Variants in TG observed in about 807,000 individuals in gnomAD.
TG encodes the protein thyroglobulin.
A neutral mutation model predicts 324.7 loss-of-function variants in TG; 270 were observed. The observed-to-expected ratio is 0.83, with a 90% confidence interval of 0.75 to 0.92. The LOEUF is 0.92. TG is among the 40% of genes least tolerant of loss of function. The pLI, the probability that TG is intolerant of heterozygous loss-of-function variation, is 0.00. For missense variants in TG, 3,591 were observed against 3,456.4 expected, an observed-to-expected ratio of 1.04 and a Z score of -0.98; for synonymous variants, 1,401 against 1,327.0, an observed-to-expected ratio of 1.06 and a Z score of -1.21.
chr8:132,974,296 A>T (rs1357049241), intron 34 of TG, among the ~76,000 whole-genome samples: 3 of 152,160 alleles, frequency 2.0e-5, no homozygotes, highest in Non-Finnish European at 4.4e-5. Context: ...ACCCAGCCAC[A>T]TTCTTTATTT....
chr8:132,919,352 C>T, intron 20 of TG, 24 bp from the exon 21 acceptor site: 2 of 1,611,640 alleles, frequency 1.2e-6, no homozygotes, highest in East Asian at 2.2e-5. Context: ...TGATTTTTAA[C>T]ATCATTTCTC....
intron 8 of TG, among the ~76,000 whole-genome samples, chr8:132,885,200 C>G (rs1011244582): frequency 2.0e-5 from 3 of 151,788 alleles, no homozygotes; most frequent in Non-Finnish European, 4.4e-5. Context: ...TACTTTACAT[C>G]CACCTATGTA....
At chr8:132,903,712 GCTGA>G (rs1347885765) in intron 16 of TG, among the ~76,000 whole-genome samples, 1 of 152,160 alleles carries the variant, frequency 6.6e-6, no homozygotes, top group Non-Finnish European at 1.5e-5. Context: ...ACCTCTTTCT[GCTGA>G]CTCACTGCAG....
rs549286273 is a variant in TG, at chr8:133,082,623, G to A, written c.7240-12421G>A. ...TTGCGGCTAGCTTCCCCACGTCACC[G>A]GAGTCAGGCCTCTTAAACACTCTGC... On this transcript the variant is annotated intron_variant, in intron 41 of 47. Coordinates refer to ENST00000220616, the MANE Select transcript of TG (RefSeq NM_003235.5). 1.6e-4 allele frequency among the ~76,000 whole-genome samples: 24 copies of A among 152,234 alleles called. 1 individual carries two copies. The highest frequency in any genetic ancestry group is 1.5e-3 in the South Asian group (7 of 4,816).
chr8:132,879,791 T>C (rs1430572058), intron 5 of TG, among the ~76,000 whole-genome samples: 1 of 152,072 alleles, frequency 6.6e-6, no homozygotes, highest in Non-Finnish European at 1.5e-5. Context: ...CACTGGTAGG[T>C]CCAGGTACTG....
rs374507803 is a variant in TG at position 132,995,030 on chromosome 8, T to G, written c.6262+11618T>G. On this transcript the variant is annotated intron_variant, in intron 35 of 47. Coordinates refer to ENST00000220616, the MANE Select transcript of TG (RefSeq NM_003235.5). ...CTCAGTTATGCTGTAGCGTGTGATT[T>G]TTTCCCTTCTGCTTTTGTGAGCGCT... 3.5e-4 allele frequency: 335 copies of G among 962,774 alleles called. 2 individuals are homozygous for G. In the African/African-American group the frequency reaches 6.1e-3, roughly 17 times the overall value. 59.6% of individuals were successfully genotyped at this position (962,774 alleles called of 1,614,324 possible). A position where few individuals can be genotyped will look rare whatever the true frequency, so the allele number is the denominator to read the frequency against.
rs143221007 is a variant in TG, at chr8:132,974,219, C to T, written c.6199+1478C>T. ...ATGTTAGCCAGGGTGGCCTTGAACT[C>T]CTGACCTCAGGTGATCCACCCGCCT... is the stretch of plus-strand genomic sequence containing the variant. On this transcript the variant is annotated intron_variant, in intron 34 of 47. Transcript: ENST00000220616. 4.8e-4 allele frequency among the ~76,000 whole-genome samples: 73 copies of T among 152,182 alleles called. 3 individuals are homozygous for T. The East Asian group carries it at 0.014, about 29-fold the overall frequency.
At chr8:132,940,224 G>A (rs1389587030) in intron 25 of TG, among the ~76,000 whole-genome samples, 3 of 152,166 alleles carry the variant, frequency 2.0e-5, no homozygotes, top group Admixed American at 6.5e-5. Context: ...GGTCAGAGTG[G>A]TGAAGGGCAC....
At chr8:133,112,624 A>C (rs769353576) in intron 43 of TG, among the ~76,000 whole-genome samples, 14 of 152,116 alleles carry the variant, frequency 9.2e-5, no homozygotes, top group Non-Finnish European at 1.3e-4. Flanking sequence ...GGAAGCATGA[A>C]GGAAGGAAAG....
At chr8:133,118,595 G>C (rs1370916217) in intron 45 of TG, among the ~76,000 whole-genome samples, 1 of 152,114 alleles carries the variant, frequency 6.6e-6, no homozygotes, top group Non-Finnish European at 1.5e-5. Context: ...AGAGTGCTGG[G>C]ATTACAGGCG....
intron 41 of TG, among the ~76,000 whole-genome samples, chr8:133,070,887 C>T (rs1377302048): frequency 6.6e-6 from 1 of 152,216 alleles, no homozygotes; most frequent in Non-Finnish European, 1.5e-5. Flanking sequence ...GTCATAAAAT[C>T]ACTGGGATGG....
intron 7 of TG, 30 bp from the exon 8 acceptor site, chr8:132,882,784 T>G: frequency 6.2e-7 from 1 of 1,613,992 alleles, no homozygotes; most frequent in Non-Finnish European, 8.5e-7. Context: ...TTGTTGACAC[T>G]GTCTTCTTTA....
rs115975632 is a variant in TG at position 132,991,792 on chromosome 8, A to G, written c.6262+8380A>G. ...CAGGGACTGTGCTGCTTGGGTGACT[A>G]TAATTGCTGTAATGTGTGAGGCTGA... On this transcript the variant is annotated intron_variant, in intron 35 of 47. Coordinates refer to ENST00000220616, the MANE Select transcript of TG (RefSeq NM_003235.5). Among the ~76,000 whole-genome samples, 1,201 of 152,154 alleles carry G rather than the reference A, an allele frequency of 7.9e-3. 18 individuals are homozygous for G. The highest frequency in any genetic ancestry group is 0.027 in the African/African-American group (1,129 of 41,510).
intron 25 of TG, among the ~76,000 whole-genome samples, chr8:132,940,292 G>T (rs1234040294): frequency 6.6e-5 from 10 of 152,140 alleles, no homozygotes; most frequent in African/African-American, 2.4e-5. Context: ...CAGACAGTTC[G>T]CATGTCAAGA....
intron 30 of TG, 68 bp downstream of exon 30, chr8:132,966,765 G>GCAACTC: frequency 6.2e-7 from 1 of 1,608,214 alleles, no homozygotes; most frequent in South Asian, 1.1e-5. Context: ...GCCAAGTCTG[G>GCAACTC]CAACTCCTGA....
chr8:132,984,934 C>CAA (rs35473851), intron 35 of TG, among the ~76,000 whole-genome samples: 1 of 140,502 alleles, frequency 7.1e-6, no homozygotes, highest in Admixed American at 7.2e-5. Flanking sequence ...GCCTCCATCT[C>CAA]AAAAAAAAAA....
At chr8:132,975,508 G>A (rs1057098734) in intron 34 of TG, among the ~76,000 whole-genome samples, 3 of 152,074 alleles carry the variant, frequency 2.0e-5, no homozygotes, top group Admixed American at 6.6e-5. Flanking sequence ...CTGGGGACTC[G>A]ACTCAGGAGT....
chr8:133,078,796 G>A (rs1845293185), intron 41 of TG, among the ~76,000 whole-genome samples: 1 of 152,222 alleles, frequency 6.6e-6, no homozygotes, highest in African/African-American at 2.4e-5. Flanking sequence ...TTTCGTGTAT[G>A]TATAACCTAT....
In TG at chr8:133,011,942, G is replaced by T. The variant is rs1022412169; in HGVS notation, c.6304G>T (p.Val2102Phe). Residue 2102 changes from valine (V) to phenylalanine (F), a missense_variant, in exon 36 of 48, where the codon GTT becomes TTT. Val to Phe is a conservative substitution (Grantham distance 50, BLOSUM62 -1). Coordinates refer to ENST00000220616, the MANE Select transcript of TG (RefSeq NM_003235.5). The stretch of plus-strand genomic sequence containing the variant: ...GCAGTCCCTGGCCCTCTCTTCAGTG[G>T]TTGTTGATCCATCCATTAGGCACTT... ...SWQSLALSSV[V>F]VDPSIRHFDV... is the part of the protein sequence containing the mutation. The T allele has an allele frequency of 1.2e-6, 2 of 1,614,078 alleles. No homozygotes were observed. Among genetic ancestry groups the T allele is most frequent in the African/African-American group, 1.3e-5 (1 of 74,908 alleles).
Sources: allele counts gnomAD v4.1 joint callset (sites outside exome capture counted in the v4.1 genomes callset), GRCh38; gene constraint gnomAD v4.1.1; transcripts MANE v1.5; gene names NCBI Gene and HGNC (gene_info 2026-07-23, HGNC 2026-07-21).